KLHDC7B: variants seen among roughly 807,000 people sequenced by gnomAD.
KLHDC7B encodes the protein kelch domain-containing protein 7B.
Under a neutral mutation model 0.6 loss-of-function variants are expected in KLHDC7B, and 1 was observed. The ratio of observed to expected loss-of-function variants is 1.71; its 90% CI spans 0.61 to 8.11. The LOEUF (loss-of-function observed/expected upper bound fraction) is 8.11. KLHDC7B is among the 30% of genes most tolerant of loss of function. The probability of loss-of-function intolerance (pLI) is 0.13; values close to 1 mark genes in which losing one functional copy is unlikely to be tolerated. For synonymous variants in KLHDC7B, 462 were observed against 405.2 expected (o/e 1.14, Z -1.68); for missense variants, 993 against 894.9 (o/e 1.11, Z -1.40).
chr22:50,549,744 G>GGGCGCCCC lies in KLHDC7B; in HGVS notation c.1578_1579insGGCGCCCC (p.Pro527GlyfsTer59). ...GGAGCAGGGCTGCCTCCCTGCCCCT[G>GGGCGCCCC]CCCGCCCCCGCCCCACTGCACTGCA... On this transcript the variant is annotated frameshift_variant, in exon 1 of 1. Transcript: ENST00000395676. LOFTEE classifies it low-confidence loss of function (END_TRUNC). 13 of 1,554,306 alleles carry GGGCGCCCC rather than the reference G, an allele frequency of 8.4e-6. No individual in the cohort carries two copies. Among genetic ancestry groups the GGGCGCCCC allele is most frequent in the Non-Finnish European group, 1.0e-5 (12 of 1,152,148 alleles).
Position 50,548,152 on chromosome 22 carries a change from G to A in KLHDC7B, c.1909G>A (p.Gly637Arg). 7 of 1,488,200 alleles carry A rather than the reference G, an allele frequency of 4.7e-6. No homozygotes were observed. Among genetic ancestry groups the A allele is most frequent in the Non-Finnish European group, 6.3e-6 (7 of 1,114,018 alleles). The allele number at this position is 1,488,200 out of a possible 1,614,324, so 92.2% of individuals were successfully genotyped here. The change falls in exon 1 of 1, where the codon GGA becomes AGA. Residue 637 changes from glycine (G) to arginine (R), a missense_variant. Transcript: ENST00000648057. This position sits in a 1 kb window ranked among gnomAD's most constrained non-coding sequence, Gnocchi z 5.3. The stretch of plus-strand genomic sequence containing the variant: ...GGAGGGGCAGGTCTCAGCCAGCTGG[G>A]GAAACCTTATTGCCATGGTTCTTAG... ...YQEGQVSASW[G>R]NLIAMVLRSH... is the part of the protein sequence containing the mutation.
chr22:50,548,729 G>C lies in KLHDC7B; in HGVS notation c.2486G>C (p.Arg829Thr). The C allele has an allele frequency of 6.7e-7, 1 of 1,483,310 alleles. No individual in the cohort carries two copies. Among genetic ancestry groups the C allele is most frequent in the Non-Finnish European group, 8.9e-7 (1 of 1,119,964 alleles). 91.9% of individuals were successfully genotyped at this position (1,483,310 alleles called of 1,614,324 possible). The change falls in exon 1 of 1, where the codon AGG (arginine) becomes ACG (threonine). Residue 829 changes from arginine to threonine, a missense_variant. By Grantham distance (71) the Arg-to-Thr change is moderately conservative (BLOSUM62 -1). Coordinates refer to ENST00000648057, the MANE Select transcript of KLHDC7B (RefSeq NM_138433.5). The surrounding 1 kb of genome is among the most constrained non-coding windows in gnomAD (Gnocchi z 5.3). ...EARKLMVFLQ[R>T]PGGWGVVEGP... Reference sequence around the variant, plus strand: ...CGGAAGCTCATGGTGTTTCTGCAGAGGCCCGGGGGTTGGGGGGTGGTGGAG... The same window carrying C: ...CGGAAGCTCATGGTGTTTCTGCAGACGCCCGGGGGTTGGGGGGTGGTGGAG...
Position 50,549,958 on chromosome 22 carries a change from G to C in KLHDC7B, c.*7G>C. 1 of 1,536,760 alleles carries C rather than the reference G, an allele frequency of 6.5e-7. No individual in the cohort carries two copies. Among genetic ancestry groups the C allele is most frequent in the Non-Finnish European group, 8.8e-7 (1 of 1,135,032 alleles). ...GCTGCAGACCTCACTCTGAGTGGCA[G>C]GCAGAGAACCAAAGCTGCTTCGCTG... On this transcript the variant is annotated 3_prime_UTR_variant, in exon 1 of 1. Transcript: ENST00000648057.
In KLHDC7B at chr22:50,548,170, G is replaced by T. The variant is rs774714208; in HGVS notation, c.1927G>T (p.Val643Phe). 1 of 1,510,850 alleles carries T rather than the reference G, an allele frequency of 6.6e-7. No individual in the cohort carries two copies. The highest frequency in any genetic ancestry group is 8.9e-7 in the Non-Finnish European group (1 of 1,124,598). The allele number at this position is 1,510,850 out of a possible 1,614,324, so 93.6% of individuals were successfully genotyped here. The change falls in exon 1 of 1, where the codon GTT becomes TTT. Residue 643 changes from valine (V) to phenylalanine (F), a missense_variant. Physicochemically the swap from Val to Phe is conservative, Grantham distance 50. Transcript: ENST00000648057. The surrounding 1 kb of genome is among the most constrained non-coding windows in gnomAD (Gnocchi z 5.3). ...SASWGNLIAM[V>F]LRSHPFPRQD... ...CAGCTGGGGAAACCTTATTGCCATG[G>T]TTCTTAGAAGCCACCCCTTCCCCAG...
rs745640855 is a variant in KLHDC7B at position 50,549,588 on chromosome 22, C to G, written c.3345C>G (p.Asp1115Glu). The G allele has an allele frequency of 6.4e-6, 10 of 1,572,118 alleles. No individual in the cohort carries two copies. In the East Asian group the frequency reaches 1.6e-4, roughly 25 times the overall value. Reference protein sequence around the residue: ...LRYSPVKDAWDECPYSASHRR... With the variant: ...LRYSPVKDAWEECPYSASHRR... ...ACAGCCCCGTGAAGGATGCTTGGGACGAGTGCCCATACAGTGCCAGCCACC... is the reference window on the plus strand; with the variant it reads ...ACAGCCCCGTGAAGGATGCTTGGGAGGAGTGCCCATACAGTGCCAGCCACC... Residue 1115 changes from aspartate to glutamate, a missense_variant, in exon 1 of 1, where the codon GAC becomes GAG. Transcript: ENST00000648057.
In KLHDC7B at chr22:50,550,045, A is replaced by G. The variant is rs1603442648; in HGVS notation, c.*94A>G. ...GCCGGGGCTCAGGGAAGGGGCTGGG[A>G]TCGGAACTTCCTGCTCTTGTTTCTG... On this transcript the variant is annotated 3_prime_UTR_variant, in exon 1 of 1. Coordinates refer to ENST00000648057, the MANE Select transcript of KLHDC7B (RefSeq NM_138433.5). 1.6e-6 allele frequency: 2 copies of G among 1,276,134 alleles called. No homozygotes were observed. The highest frequency in any genetic ancestry group is 3.0e-5 in the African/African-American group (2 of 65,950). 79.1% of individuals were successfully genotyped at this position (1,276,134 alleles called of 1,614,324 possible).
Position 50,548,834 on chromosome 22 carries a change from G to A in KLHDC7B, c.2591G>A (p.Cys864Tyr). 1 of 1,537,252 alleles carries A rather than the reference G, an allele frequency of 6.5e-7. No individual in the cohort carries two copies. Among genetic ancestry groups the A allele is most frequent in the Non-Finnish European group, 8.7e-7 (1 of 1,145,058 alleles). Residue 864 changes from cysteine (C) to tyrosine (Y), a missense_variant, in exon 1 of 1, where the codon TGC (cysteine) becomes TAC (tyrosine). Coordinates refer to ENST00000648057, the MANE Select transcript of KLHDC7B (RefSeq NM_138433.5). This position sits in a 1 kb window ranked among gnomAD's most constrained non-coding sequence, Gnocchi z 5.3. Reference sequence around the variant, plus strand: ...CGGCGGCGGCTGGACCTGGGCAGTTGCCTGGACGTGCTGGCCTTTGCCCAG... The same window carrying A: ...CGGCGGCGGCTGGACCTGGGCAGTTACCTGGACGTGCTGGCCTTTGCCCAG... ...ALRRRLDLGS[C>Y]LDVLAFAQQH...
In KLHDC7B at chr22:50,549,022, CT is replaced by C; in HGVS notation, c.857del (p.Leu286ProfsTer50). On this transcript the variant is annotated frameshift_variant, in exon 1 of 1. Transcript: ENST00000395676. LOFTEE classifies it low-confidence loss of function (END_TRUNC). ...CCGGGGCCGGGCGGTGCTGGGCGTC[CT>C]CGTACTGCCCAGCCTCTACCAGGGG... The C allele has an allele frequency of 6.3e-7, 1 of 1,596,488 alleles. No individual in the cohort carries two copies. The highest frequency in any genetic ancestry group is 8.5e-7 in the Non-Finnish European group (1 of 1,176,366).
chr22:50,551,008 T>G lies in KLHDC7B; in HGVS notation c.*1057T>G. On this transcript the variant is annotated 3_prime_UTR_variant, in exon 1 of 1. Coordinates refer to ENST00000648057, the MANE Select transcript of KLHDC7B (RefSeq NM_138433.5). ...AGCACCACTGGCACCAAATACATTT[T>G]AATTCACCGAAAGCACCTGCAGCTT... The G allele has an allele frequency of 2.0e-6, 1 of 489,784 alleles. No individual in the cohort carries two copies. Among genetic ancestry groups the G allele is most frequent in the Admixed American group, 3.4e-5 (1 of 29,786 alleles). The allele number at this position is 489,784 out of a possible 1,614,324, so 30.3% of individuals were successfully genotyped here. A position where few individuals can be genotyped will look rare whatever the true frequency, so the allele number is the denominator to read the frequency against.
rs910267324 is a variant in KLHDC7B, at chr22:50,548,198, A to G, written c.1955A>G (p.Gln652Arg). ...MVLRSHPFPR[Q>R]DRPQGSVPRA... ...CTTAGAAGCCACCCCTTCCCCAGGC[A>G]AGACAGGCCCCAAGGGAGTGTCCCG... The change falls in exon 1 of 1, where the codon CAA becomes CGA. Residue 652 changes from glutamine to arginine, a missense_variant. By Grantham distance (43) the Gln-to-Arg change is conservative. Transcript: ENST00000648057. The surrounding 1 kb of genome is among the most constrained non-coding windows in gnomAD (Gnocchi z 5.3). The G allele has an allele frequency of 1.3e-6, 2 of 1,534,200 alleles. No homozygotes were observed. The highest frequency in any genetic ancestry group is 1.8e-6 in the Non-Finnish European group (2 of 1,135,460).
chr22:50,549,391 G>A lies in KLHDC7B; in HGVS notation c.3148G>A (p.Ala1050Thr). 6.2e-7 allele frequency: 1 copy of A among 1,612,818 alleles called. No individual in the cohort carries two copies. The highest frequency in any genetic ancestry group is 1.1e-5 in the South Asian group (1 of 91,086). ...KLVALDGLLY[A>T]IGGECLYSME... ...GGTGGCCCTGGACGGGCTGCTCTAT[G>A]CCATCGGTGGCGAATGCCTGTACAG... The change falls in exon 1 of 1, where the codon GCC (alanine) becomes ACC (threonine). Residue 1050 changes from alanine to threonine, a missense_variant. Ala to Thr is a moderately conservative substitution (Grantham distance 58, BLOSUM62 0). Coordinates refer to ENST00000648057, the MANE Select transcript of KLHDC7B (RefSeq NM_138433.5).
chr22:50,548,526 T>G lies in KLHDC7B; in HGVS notation c.2283T>G (p.Ser761=). ...QRPPGPAASS[S]ARRSQPVPQL... Reference sequence around the variant, plus strand: ...CGCCTGGCCCCGCGGCCTCCTCCTCTGCGAGGCGCTCACAGCCGGTACCCC... The same window carrying G: ...CGCCTGGCCCCGCGGCCTCCTCCTCGGCGAGGCGCTCACAGCCGGTACCCC... The change falls in exon 1 of 1, where the codon TCT becomes TCG. Residue 761 remains serine (S), a synonymous_variant. Coordinates refer to ENST00000648057, the MANE Select transcript of KLHDC7B (RefSeq NM_138433.5). This position sits in a 1 kb window ranked among gnomAD's most constrained non-coding sequence, Gnocchi z 5.3. 1 of 1,553,506 alleles carries G rather than the reference T, an allele frequency of 6.4e-7. No homozygotes were observed. Among genetic ancestry groups the G allele is most frequent in the Middle Eastern group, 1.7e-4 (1 of 5,820 alleles).
At position 50,549,783 on chromosome 22, in the gene KLHDC7B, C is replaced by T; in HGVS notation, c.3540C>T (p.Asn1180=). The change falls in exon 1 of 1, where the codon AAC becomes AAT. Residue 1180 remains asparagine, a synonymous_variant. Coordinates refer to ENST00000648057, the MANE Select transcript of KLHDC7B (RefSeq NM_138433.5). The part of the protein sequence containing the change: ...PAPLHCTTLG[N]TIYCLNPQVT... Reference sequence around the variant, plus strand: ...CACTGCACTGCACCACCCTGGGCAACACCATTTACTGCCTCAACCCCCAGG... The same window carrying T: ...CACTGCACTGCACCACCCTGGGCAATACCATTTACTGCCTCAACCCCCAGG... 6.2e-7 allele frequency: 1 copy of T among 1,600,194 alleles called. No individual in the cohort carries two copies. Among genetic ancestry groups the T allele is most frequent in the Non-Finnish European group, 8.5e-7 (1 of 1,176,310 alleles).
rs940708858 is a variant in KLHDC7B at position 50,550,792 on chromosome 22, G to A, written c.*841G>A. ...ACGTCTGTCACCCAAGAGAGTTGTG[G>A]GAGACAAGATCACAGCTATGAGCAC... is the stretch of plus-strand genomic sequence containing the variant. On this transcript the variant is annotated 3_prime_UTR_variant, in exon 1 of 1. Transcript: ENST00000648057. The A allele has an allele frequency of 5.8e-6, 1 of 171,990 alleles. No individual in the cohort carries two copies. Among genetic ancestry groups the A allele is most frequent in the African/African-American group, 2.4e-5 (1 of 41,594 alleles). The allele number at this position is 171,990 out of a possible 1,614,324, so 10.7% of individuals were successfully genotyped here.
At position 50,546,472 on chromosome 22, in the gene KLHDC7B, C is replaced by G; in HGVS notation, c.229C>G (p.Gln77Glu). 2.5e-6 allele frequency: 1 copy of G among 399,374 alleles called. No homozygotes were observed. 24.7% of individuals were successfully genotyped at this position (399,374 alleles called of 1,614,324 possible). A position where few individuals can be genotyped will look rare whatever the true frequency, so the allele number is the denominator to read the frequency against. The change falls in exon 1 of 1, where the codon CAA becomes GAA. Residue 77 changes from glutamine to glutamate, a missense_variant. Transcript: ENST00000648057. Reference sequence around the variant, plus strand: ...GGCAGGAGGAGCTGAGCTGGCCCTGCAACCGAAGTCTAAGGTCAGTGATGG... The same window carrying G: ...GGCAGGAGGAGCTGAGCTGGCCCTGGAACCGAAGTCTAAGGTCAGTGATGG... ...HQAGGAELAL[Q>E]PKSKVSDGSE... is the part of the protein sequence containing the mutation.
rs1372706815 is a variant in KLHDC7B, at chr22:50,550,197, C to T, written c.*246C>T. ...CTCAATTCCGTACCTACTTACAGAC[C>T]CTCTCAGCTTGCTGACACCCCCCTG... is the stretch of plus-strand genomic sequence containing the variant. On this transcript the variant is annotated 3_prime_UTR_variant, in exon 1 of 1. Transcript: ENST00000648057. The T allele has an allele frequency of 6.4e-6, 3 of 468,222 alleles. No individual in the cohort carries two copies. The highest frequency in any genetic ancestry group is 1.2e-5 in the Non-Finnish European group (3 of 257,466). 29.0% of individuals were successfully genotyped at this position (468,222 alleles called of 1,614,324 possible).
At position 50,549,710 on chromosome 22, in the gene KLHDC7B, C is replaced by T. The variant is rs2069784465; in HGVS notation, c.3467C>T (p.Thr1156Ile). ...GAAVMRYNTV[T>I]GSWSRAASLP... is the part of the protein sequence containing the mutation. ...GCCGTGATGCGCTACAACACAGTGA[C>T]CGGCTCCTGGAGCAGGGCTGCCTCC... The change falls in exon 1 of 1, where the codon ACC becomes ATC. Residue 1156 changes from threonine (T) to isoleucine (I), a missense_variant. Physicochemically the swap from Thr to Ile is moderately conservative, Grantham distance 89. Coordinates refer to ENST00000648057, the MANE Select transcript of KLHDC7B (RefSeq NM_138433.5). 6.3e-7 allele frequency: 1 copy of T among 1,581,074 alleles called. No individual in the cohort carries two copies. The highest frequency in any genetic ancestry group is 8.6e-7 in the Non-Finnish European group (1 of 1,164,922).
Position 50,550,044 on chromosome 22 carries a change from G to C in KLHDC7B, c.*93G>C. 7.8e-7 allele frequency: 1 copy of C among 1,277,866 alleles called. No individual in the cohort carries two copies. The highest frequency in any genetic ancestry group is 1.1e-6 in the Non-Finnish European group (1 of 949,254). The allele number at this position is 1,277,866 out of a possible 1,614,324, so 79.2% of individuals were successfully genotyped here. A position where few individuals can be genotyped will look rare whatever the true frequency, so the allele number is the denominator to read the frequency against. ...GGCCGGGGCTCAGGGAAGGGGCTGG[G>C]ATCGGAACTTCCTGCTCTTGTTTCT... On this transcript the variant is annotated 3_prime_UTR_variant, in exon 1 of 1. Coordinates refer to ENST00000648057, the MANE Select transcript of KLHDC7B (RefSeq NM_138433.5).
In KLHDC7B at chr22:50,549,744, G is replaced by GGCCGCCCCCCCCCCC; in HGVS notation, c.3501_3502insGCCGCCCCCCCCCCC (p.Leu1167_Pro1168insAlaAlaProProPro). 6.4e-7 allele frequency: 1 copy of GGCCGCCCCCCCCCCC among 1,554,576 alleles called. No individual in the cohort carries two copies. Among genetic ancestry groups the GGCCGCCCCCCCCCCC allele is most frequent in the Non-Finnish European group, 8.7e-7 (1 of 1,152,392 alleles). The stretch of plus-strand genomic sequence containing the variant: ...GGAGCAGGGCTGCCTCCCTGCCCCT[G>GGCCGCCCCCCCCCCC]CCCGCCCCCGCCCCACTGCACTGCA... On this transcript the variant is annotated inframe_insertion, in exon 1 of 1. Transcript: ENST00000648057.
Sources: gnomAD v4.1 joint callset for allele counts on GRCh38, gnomAD v4.1.1 for gene constraint, Gnocchi (gnomAD v3.1) non-coding constraint, MANE v1.5 for transcripts, NCBI Gene and HGNC (gene_info 2026-07-23, HGNC 2026-07-21) for gene names.